The following BRINP3 variants were observed in gnomAD, a reference collection of about 807,000 sequenced individuals.
BRINP3 encodes BMP/retinoic acid inducible neural specific 3.
Under a neutral mutation model 71.0 loss-of-function variants are expected in BRINP3, and 19 were observed. The ratio of observed to expected loss-of-function variants is 0.27; its 90% CI spans 0.19 to 0.39. BRINP3 has a LOEUF of 0.39. BRINP3 is among the 10% of genes least tolerant of loss of function. The probability of loss-of-function intolerance (pLI) is 1.00; values close to 1 mark genes in which losing one functional copy is unlikely to be tolerated. For synonymous variants in BRINP3, 380 were observed against 337.7 expected, an observed-to-expected ratio of 1.13 and a Z score of -1.37; for missense variants, 959 against 940.8, an observed-to-expected ratio of 1.02 and a Z score of -0.25.
intron 3 of BRINP3, among the ~76,000 whole-genome samples, chr1:190,276,738 G>T: frequency 6.6e-6 from 1 of 150,838 alleles, no homozygotes; most frequent in East Asian, 2.0e-4. Context: ...TACTATTTTT[G>T]CACATTGATC....
chr1:190,203,461 ATG>A (rs35085261), intron 6 of BRINP3, among the ~76,000 whole-genome samples: 336 of 143,746 alleles, frequency 2.3e-3, no homozygotes, highest in African/African-American at 5.9e-3. Flanking sequence ...GTATATATAT[ATG>A]TGTGTGTGTG....
intron 6 of BRINP3, among the ~76,000 whole-genome samples, chr1:190,200,306 A>G (rs1445837563): frequency 6.6e-6 from 1 of 152,104 alleles, no homozygotes; most frequent in Non-Finnish European, 1.5e-5. Flanking sequence ...TGGCTATGAA[A>G]ACTATTATTA....
chr1:190,443,896 A>G (rs879323527), intron 2 of BRINP3, among the ~76,000 whole-genome samples: 1 of 152,112 alleles, frequency 6.6e-6, no homozygotes, highest in Non-Finnish European at 1.5e-5. Flanking sequence ...TTCTTTCTAT[A>G]AACAGACCTG....
At chr1:190,365,146 A>C (rs931200501) in intron 2 of BRINP3, among the ~76,000 whole-genome samples, 30 of 152,230 alleles carry the variant, frequency 2.0e-4, no homozygotes, top group African/African-American at 7.0e-4. Flanking sequence ...TAGTAAATAT[A>C]ATTTATAAAA....
At chr1:190,466,979 A>G (rs1000511599) in intron 1 of BRINP3, among the ~76,000 whole-genome samples, 2 of 151,632 alleles carry the variant, frequency 1.3e-5, no homozygotes, top group African/African-American at 4.8e-5. Flanking sequence ...ACACAACAAC[A>G]CACAAAATGC....
In BRINP3 at chr1:190,312,036, AATATATAT is replaced by A. The variant is rs1180367434; in HGVS notation, c.237-30294_237-30287del. Among the ~76,000 whole-genome samples, 597 of 68,304 alleles carry A rather than the reference AATATATAT, an allele frequency of 8.7e-3. 7 individuals carry two copies. Among genetic ancestry groups the A allele is most frequent in the African/African-American group, 0.022 (471 of 21,124 alleles). The allele number at this position is 68,304 out of a possible 152,430, so 44.8% of individuals were successfully genotyped here. The stretch of plus-strand genomic sequence containing the variant: ...AAAATACATGATATTTGAAAAGTCA[AATATATAT>A]ATATATATATATATATATATATATA... On this transcript the variant is annotated intron_variant, in intron 2 of 7. Transcript: ENST00000367462.
At chr1:190,315,957 A>T (rs756720047) in intron 2 of BRINP3, among the ~76,000 whole-genome samples, 14 of 152,074 alleles carry the variant, frequency 9.2e-5, no homozygotes, top group Non-Finnish European at 1.5e-4. Context: ...AACAGATGAT[A>T]TATGGGAAAA....
chr1:190,248,880 T>G (rs1290383935), intron 4 of BRINP3, among the ~76,000 whole-genome samples: 1 of 151,840 alleles, frequency 6.6e-6, no homozygotes. Flanking sequence ...TTTTTATTTG[T>G]AACAATTCTC....
At chr1:190,279,714 C>T (rs1662891688) in intron 3 of BRINP3, among the ~76,000 whole-genome samples, 1 of 151,840 alleles carries the variant, frequency 6.6e-6, no homozygotes, top group African/African-American at 2.4e-5. Context: ...CTTTTTCAAC[C>T]TGTTCATGCC....
At chr1:190,351,102 C>G (rs996565788) in intron 2 of BRINP3, among the ~76,000 whole-genome samples, 5 of 152,108 alleles carry the variant, frequency 3.3e-5, no homozygotes, top group African/African-American at 1.2e-4. Context: ...CTGCGCCCAG[C>G]CCTCAAGTTC....
At chr1:190,184,587 G>A (rs1558043805) in intron 6 of BRINP3, among the ~76,000 whole-genome samples, 1 of 152,094 alleles carries the variant, frequency 6.6e-6, no homozygotes, top group Non-Finnish European at 1.5e-5. Context: ...ACAGCAATGT[G>A]GATGCAGCTG....
intron 7 of BRINP3, among the ~76,000 whole-genome samples, chr1:190,126,231 AT>A (rs767395824): frequency 2.9e-4 from 44 of 152,060 alleles, no homozygotes; most frequent in Admixed American, 3.9e-4. Flanking sequence ...AATTTAAAAA[AT>A]AAATCATTAA....
intron 2 of BRINP3, among the ~76,000 whole-genome samples, chr1:190,394,198 C>G (rs551595010): frequency 6.6e-6 from 1 of 151,602 alleles, no homozygotes; most frequent in Non-Finnish European, 1.5e-5. Flanking sequence ...TCAAGCTGTT[C>G]ACTACTGTAA....
intron 4 of BRINP3, among the ~76,000 whole-genome samples, chr1:190,257,643 A>G (rs1660788340): frequency 6.6e-6 from 1 of 152,090 alleles, no homozygotes; most frequent in African/African-American, 2.4e-5. Flanking sequence ...GATGTTGGTA[A>G]CCTACAGATG....
chr1:190,111,260 T>C (rs1652673287), intron 7 of BRINP3, among the ~76,000 whole-genome samples: 1 of 150,170 alleles, frequency 6.7e-6, no homozygotes, highest in Admixed American at 6.6e-5. Flanking sequence ...GACCCGATGG[T>C]AATCACCTCC....
chr1:190,326,610 A>C (rs1297499706), intron 2 of BRINP3, among the ~76,000 whole-genome samples: 1 of 152,130 alleles, frequency 6.6e-6, no homozygotes, highest in East Asian at 1.9e-4. Flanking sequence ...TTCTCAGCAG[A>C]AACATTAGAA....
intron 6 of BRINP3, among the ~76,000 whole-genome samples, chr1:190,223,463 A>T (rs1320922767): frequency 6.6e-6 from 1 of 151,974 alleles, no homozygotes; most frequent in Admixed American, 6.6e-5. Flanking sequence ...ATTGAACAAC[A>T]GTTCATGATA....
chr1:190,253,210 C>A (rs1358811548), intron 4 of BRINP3, among the ~76,000 whole-genome samples: 1 of 152,246 alleles, frequency 6.6e-6, no homozygotes, highest in African/African-American at 2.4e-5. Flanking sequence ...CAAGTCTTTG[C>A]TATTGTGAAT....
chr1:190,152,460 T>C (rs1426837364), intron 7 of BRINP3, among the ~76,000 whole-genome samples: 1 of 151,422 alleles, frequency 6.6e-6, no homozygotes, highest in Non-Finnish European at 1.5e-5. Context: ...TATAATGAGA[T>C]GATCATTTTG....
Sources: gnomAD v4.1 joint callset for allele counts (sites outside exome capture counted in the v4.1 genomes callset) on GRCh38, gnomAD v4.1.1 for gene constraint, MANE v1.5 for transcripts, NCBI Gene and HGNC (gene_info 2026-07-23, HGNC 2026-07-21) for gene names.